Variants in EML4 observed in about 807,000 individuals in gnomAD.
EML4 encodes the protein EMAP like 4, also known as echinoderm microtubule-associated protein-like 4.
EML4 carries 72 observed loss-of-function variants against 129.0 expected under a neutral mutation model. The ratio of observed to expected loss-of-function variants is 0.56; its 90% CI spans 0.46 to 0.68. The LOEUF (loss-of-function observed/expected upper bound fraction) is 0.68. EML4 is among the 30% of genes least tolerant of loss of function. The probability of loss-of-function intolerance (pLI) is 0.00; values close to 1 mark genes in which losing one functional copy is unlikely to be tolerated. For synonymous variants in EML4, 532 were observed against 405.0 expected, an observed-to-expected ratio of 1.31 and a Z score of -3.77; for missense variants, 1,363 against 1,190.6, an observed-to-expected ratio of 1.14 and a Z score of -2.13.
intron 1 of EML4, among the ~76,000 whole-genome samples, chr2:42,229,118 A>T (rs1226127027): frequency 6.6e-6 from 1 of 152,162 alleles, no homozygotes; most frequent in Admixed American, 6.5e-5. Flanking sequence ...TTAAGGATTA[A>T]GGTGATCTAG....
chr2:42,202,673 C>G (rs1672301936), intron 1 of EML4, among the ~76,000 whole-genome samples: 1 of 152,126 alleles, frequency 6.6e-6, no homozygotes, highest in Admixed American at 6.6e-5. Flanking sequence ...TTTCCATGTT[C>G]TTTTGTCTGC....
rs573236358 is a variant in EML4 at position 42,272,237 on chromosome 2, T to C, written c.667+7506T>C. On this transcript the variant is annotated intron_variant, in intron 6 of 22. Coordinates refer to ENST00000318522, the MANE Select transcript of EML4 (RefSeq NM_019063.5). ...GAAGAGTTGCGGTTGATCAGTGGCA[T>C]ATACCAAGATTTCAAGGAAAAAGCA... Among the ~76,000 whole-genome samples the C allele has an allele frequency of 7.2e-5, 11 of 152,314 alleles. No homozygotes were observed. The East Asian group carries it at 2.1e-3, about 29-fold the overall frequency.
At chr2:42,280,210 T>G (rs1254454965) in intron 6 of EML4, among the ~76,000 whole-genome samples, 2 of 152,174 alleles carry the variant, frequency 1.3e-5, no homozygotes, top group Non-Finnish European at 2.9e-5. Flanking sequence ...GTCACAAAAT[T>G]TTCTTTAGCA....
rs111471385 is a variant in EML4 at position 42,181,218 on chromosome 2, A to G, written c.25+11582A>G. On this transcript the variant is annotated intron_variant, in intron 1 of 22. Coordinates refer to ENST00000318522, the MANE Select transcript of EML4 (RefSeq NM_019063.5). ...ATTTTGTAAAATGTGCTTTGAAACT[A>G]TGTAAATATTCAGTTCTTCATCAGA... Among the ~76,000 whole-genome samples, 393 of 152,340 alleles carry G rather than the reference A, an allele frequency of 2.6e-3. 1 individual carries two copies. The highest frequency in any genetic ancestry group is 3.4e-3 in the Middle Eastern group (1 of 294).
At chr2:42,304,159 T>C (rs562336451) in intron 16 of EML4, among the ~76,000 whole-genome samples, 2 of 152,306 alleles carry the variant, frequency 1.3e-5, no homozygotes, top group African/African-American at 4.8e-5. Flanking sequence ...AACCCAGATA[T>C]CCACCTTCTC....
At chr2:42,313,683 G>A (rs566992709) in intron 17 of EML4, among the ~76,000 whole-genome samples, 108 of 151,770 alleles carry the variant, frequency 7.1e-4, no homozygotes, top group African/African-American at 2.3e-3. Flanking sequence ...ATCCCAGCAC[G>A]TTGGGAGGAC....
rs1447624266 is a variant in EML4 at position 42,199,672 on chromosome 2, A to G, written c.25+30036A>G. Among the ~76,000 whole-genome samples the G allele has an allele frequency of 7.9e-5, 12 of 152,226 alleles. No individual in the cohort carries two copies. In the East Asian group the frequency reaches 2.1e-3, roughly 27 times the overall value. ...GGCAAAAGGTAGACTGAGGTTCTGT[A>G]AAGGATCTAGAGAAGTTTATTTGAA... On this transcript the variant is annotated intron_variant, in intron 1 of 22. Coordinates refer to ENST00000318522, the MANE Select transcript of EML4 (RefSeq NM_019063.5).
chr2:42,321,004 A>G (rs771295979), intron 19 of EML4, among the ~76,000 whole-genome samples: 3 of 152,192 alleles, frequency 2.0e-5, no homozygotes, highest in Non-Finnish European at 4.4e-5. Flanking sequence ...ATCTACCTAG[A>G]AATCGCCAAG....
chr2:42,271,767 G>C (rs1161849797), intron 6 of EML4, among the ~76,000 whole-genome samples: 2 of 152,038 alleles, frequency 1.3e-5, no homozygotes, highest in Non-Finnish European at 2.9e-5. Context: ...CAGTCTTCAA[G>C]TCTGCCAGTT....
intron 1 of EML4, among the ~76,000 whole-genome samples, chr2:42,235,519 ATGGTCTTCACTCAACGTTAGCTTCTCT>A (rs2104232016): frequency 6.6e-6 from 1 of 152,242 alleles, no homozygotes; most frequent in East Asian, 1.9e-4. Flanking sequence ...CTAGTTTCTC[ATGGTCTTCACTCAACGTTAGCTTCTCT>A]AATCTAACCT....
chr2:42,271,216 C>T (rs1184988733), intron 6 of EML4, among the ~76,000 whole-genome samples: 1 of 152,162 alleles, frequency 6.6e-6, no homozygotes, highest in Non-Finnish European at 1.5e-5. Context: ...TACATACTGT[C>T]CCTTTTAATA....
At chr2:42,203,005 G>C (rs748959081) in intron 1 of EML4, among the ~76,000 whole-genome samples, 2 of 152,100 alleles carry the variant, frequency 1.3e-5, no homozygotes, top group African/African-American at 4.8e-5. Context: ...TCCAGCCTGG[G>C]TGACAAGAGT....
At chr2:42,216,701 A>G (rs1460230791) in intron 1 of EML4, among the ~76,000 whole-genome samples, 2 of 152,222 alleles carry the variant, frequency 1.3e-5, no homozygotes, top group Non-Finnish European at 2.9e-5. Context: ...TTTAAAGATT[A>G]TTATAGCCAA....
chr2:42,317,929 A>C (rs1669330525), intron 19 of EML4, among the ~76,000 whole-genome samples: 1 of 152,212 alleles, frequency 6.6e-6, no homozygotes, highest in Admixed American at 6.5e-5. Flanking sequence ...AAAATAAAAG[A>C]ATGTATATGG....
rs1392505932 is a variant in EML4 at position 42,317,502 on chromosome 2, A to G, written c.2132A>G (p.Tyr711Cys). 5 of 1,610,860 alleles carry G rather than the reference A, an allele frequency of 3.1e-6. No homozygotes were observed. Among genetic ancestry groups the G allele is most frequent in the Middle Eastern group, 1.7e-4 (1 of 6,040 alleles). Residue 711 changes from tyrosine to cysteine, a missense_variant, in exon 19 of 23, where the codon TAT (tyrosine) becomes TGT (cysteine). Transcript: ENST00000318522. ...GTAGTCTCTGAAAATGGAAGAAAAT[A>G]TAGCAGATATGGAAGGTGCACTGTA... ...LYVVSENGRK[Y>C]SRYGRCTGHS...
chr2:42,256,254 G>A (rs1676142814), intron 2 of EML4, among the ~76,000 whole-genome samples: 1 of 152,152 alleles, frequency 6.6e-6, no homozygotes, highest in South Asian at 2.1e-4. Flanking sequence ...TTAGCTAAGA[G>A]AACTAGCCCA....
At chr2:42,243,357 G>A (rs1675165706) in intron 1 of EML4, among the ~76,000 whole-genome samples, 1 of 151,538 alleles carries the variant, frequency 6.6e-6, no homozygotes, top group African/African-American at 2.4e-5. Flanking sequence ...CCGTGGAAGT[G>A]AAAAATACTT....
rs564079061 is a variant in EML4 at position 42,270,900 on chromosome 2, T to G, written c.667+6169T>G. Among the ~76,000 whole-genome samples, 3 of 152,318 alleles carry G rather than the reference T, an allele frequency of 2.0e-5. No individual in the cohort carries two copies. The South Asian group carries it at 6.2e-4, about 32-fold the overall frequency. ...ACTTAATTCTAAAACCTATGTATTT[T>G]CTTTTTTATTTTTGAGATAGGGTCT... On this transcript the variant is annotated intron_variant, in intron 6 of 22. Coordinates refer to ENST00000318522, the MANE Select transcript of EML4 (RefSeq NM_019063.5).
chr2:42,297,793 T>A (rs1210536295), intron 13 of EML4, among the ~76,000 whole-genome samples: 1 of 152,192 alleles, frequency 6.6e-6, no homozygotes, highest in Non-Finnish European at 1.5e-5. Flanking sequence ...AAAAGGAGAT[T>A]TTTTGGATGG....
Sources: allele counts gnomAD v4.1 joint callset (sites outside exome capture counted in the v4.1 genomes callset), GRCh38; gene constraint gnomAD v4.1.1; transcripts MANE v1.5; gene names NCBI Gene and HGNC (gene_info 2026-07-23, HGNC 2026-07-21).